Variants in RBFOX1 observed in about 807,000 individuals in gnomAD.
RBFOX1 encodes the protein RNA binding fox-1 homolog 1, also known as RNA binding protein fox-1 homolog 1.
In RBFOX1, 8 loss-of-function variants were observed where a neutral mutation model predicts 57.7. That is an observed-to-expected ratio of 0.14 (90% CI 0.08 to 0.25). The LOEUF is 0.25. Ranked by LOEUF, RBFOX1 falls within the 10% of genes least tolerant of loss-of-function variation. The pLI is 1.00. For synonymous variants in RBFOX1, 326 were observed against 222.4 expected, an observed-to-expected ratio of 1.47 and a Z score of -4.15; for missense variants, 611 against 548.5, an observed-to-expected ratio of 1.11 and a Z score of -1.14.
At chr16:5,714,052 T>C (rs2051595253) in intron 3 of RBFOX1, among the ~76,000 whole-genome samples, 1 of 152,214 alleles carries the variant, frequency 6.6e-6, no homozygotes, top group Admixed American at 6.5e-5. Context: ...AATATGAGCC[T>C]ATGCACTCCA....
intron 3 of RBFOX1, among the ~76,000 whole-genome samples, chr16:6,921,586 A>C (rs181612166): frequency 9.4e-4 from 142 of 151,856 alleles, no homozygotes; most frequent in African/African-American, 3.3e-3. Flanking sequence ...TTCTTCAAGC[A>C]GTGGAGAAAG....
intron 3 of RBFOX1, among the ~76,000 whole-genome samples, chr16:6,813,634 G>T (rs1463484193): frequency 6.6e-6 from 1 of 152,150 alleles, no homozygotes; most frequent in Admixed American, 6.5e-5. Context: ...GAAGAACTGA[G>T]TAGGGGGTGG....
chr16:6,152,340 C>G (rs901872455), intron 1 of RBFOX1, among the ~76,000 whole-genome samples: 2 of 152,150 alleles, frequency 1.3e-5, no homozygotes, highest in Admixed American at 6.5e-5. Context: ...TTCTCTCTCT[C>G]TCTCTTTTTA....
Position 7,032,270 on chromosome 16 carries a change from C to A in RBFOX1, c.-15-19787C>A, listed in dbSNP as rs780131660. ...TGAAACCCCATCTCTACTAAAAAAACAAAAACAAAAACAAAACAAAAAAAT... is the reference window on the plus strand; with the variant it reads ...TGAAACCCCATCTCTACTAAAAAAAAAAAAACAAAAACAAAACAAAAAAAT... On this transcript the variant is annotated intron_variant, in intron 3 of 15. Transcript: ENST00000550418. Among the ~76,000 whole-genome samples, 2 of 151,704 alleles carry A rather than the reference C, an allele frequency of 1.3e-5. 1 individual carries two copies. The highest frequency in any genetic ancestry group is 4.2e-4 in the South Asian group (2 of 4,794).
At chr16:7,567,103 A>G (rs1019223763) in intron 5 of RBFOX1, among the ~76,000 whole-genome samples, 2 of 132,286 alleles carry the variant, frequency 1.5e-5, no homozygotes, top group Admixed American at 8.4e-5. Flanking sequence ...CTCCCTATAT[A>G]TGTATATCCA....
At chr16:6,932,125 G>C (rs2076660687) in intron 3 of RBFOX1, among the ~76,000 whole-genome samples, 1 of 152,006 alleles carries the variant, frequency 6.6e-6, no homozygotes, top group Non-Finnish European at 1.5e-5. Flanking sequence ...TGTTTTTTCA[G>C]ATGGCATCCC....
At chr16:6,470,818 C>T (rs575590719) in intron 2 of RBFOX1, among the ~76,000 whole-genome samples, 39 of 152,130 alleles carry the variant, frequency 2.6e-4, no homozygotes, top group African/African-American at 9.4e-4. Context: ...TCCAGTTATA[C>T]ATGTCTTCTA....
At chr16:5,792,258 G>T (rs570517565) in intron 3 of RBFOX1, among the ~76,000 whole-genome samples, 1 of 152,142 alleles carries the variant, frequency 6.6e-6, no homozygotes, top group Non-Finnish European at 1.5e-5. Flanking sequence ...TGTTATTCCT[G>T]TTCCAGCCCT....
At chr16:7,276,232 T>C (rs2095437476) in intron 4 of RBFOX1, among the ~76,000 whole-genome samples, 1 of 152,188 alleles carries the variant, frequency 6.6e-6, no homozygotes, top group Non-Finnish European at 1.5e-5. Context: ...GAGCTATTTC[T>C]GGCTGCAGAC....
chr16:6,133,364 T>G (rs893750308), intron 1 of RBFOX1, among the ~76,000 whole-genome samples: 10 of 152,214 alleles, frequency 6.6e-5, no homozygotes, highest in African/African-American at 2.4e-4. Context: ...TCATTTTTAG[T>G]GCCTATCAGG....
chr16:7,466,892 T>G (rs944479125), intron 4 of RBFOX1, among the ~76,000 whole-genome samples: 3 of 152,164 alleles, frequency 2.0e-5, no homozygotes, highest in Non-Finnish European at 2.9e-5. Flanking sequence ...TGACCAGGAA[T>G]GGTCTCTATG....
At chr16:6,705,638 T>C (rs1434683423) in intron 3 of RBFOX1, 1 of 152,110 alleles carries the variant, frequency 6.6e-6, no homozygotes, top group Non-Finnish European at 1.5e-5. Context: ...ATAGCAAATA[T>C]TTTACAGTGC....
chr16:5,999,519 A>G (rs1029152658), intron 4 of RBFOX1, among the ~76,000 whole-genome samples: 2 of 152,200 alleles, frequency 1.3e-5, no homozygotes, highest in Non-Finnish European at 2.9e-5. Flanking sequence ...CTTTATAAAG[A>G]GGTGTAACGC....
chr16:7,653,739 CG>C, intron 11 of RBFOX1, 75 bp from the exon 12 acceptor site: 1 of 1,588,320 alleles, frequency 6.3e-7, no homozygotes, highest in Non-Finnish European at 8.5e-7. Flanking sequence ...CAAGGGTTCC[CG>C]GGGCAGTTCC....
chr16:7,100,562 G>GTT (rs1454100595), intron 4 of RBFOX1, among the ~76,000 whole-genome samples: 39 of 108,756 alleles, frequency 3.6e-4, no homozygotes, highest in African/African-American at 7.2e-4. Flanking sequence ...GTTTTTAAAG[G>GTT]TTGTTTTTTT....
chr16:6,982,059 T>G (rs1396023484), intron 3 of RBFOX1, among the ~76,000 whole-genome samples: 2 of 152,202 alleles, frequency 1.3e-5, no homozygotes, highest in African/African-American at 4.8e-5. Flanking sequence ...TTCGTAGTTT[T>G]TCATGATATA....
intron 4 of RBFOX1, among the ~76,000 whole-genome samples, chr16:7,297,257 C>G (rs2095914009): frequency 6.6e-6 from 1 of 152,158 alleles, no homozygotes. Flanking sequence ...GATGTAAAGA[C>G]AAACTACCCC....
intron 2 of RBFOX1, among the ~76,000 whole-genome samples, chr16:6,398,938 C>T (rs553770014): frequency 1.1e-4 from 16 of 152,366 alleles, no homozygotes; most frequent in Admixed American, 9.8e-4. Flanking sequence ...AGCAGAGGTT[C>T]TCCATGAGGA....
chr16:6,184,802 C>T (rs965263996), intron 1 of RBFOX1, among the ~76,000 whole-genome samples: 72 of 151,950 alleles, frequency 4.7e-4, no homozygotes, highest in African/African-American at 1.6e-3. Context: ...CTCTTGACCT[C>T]GTGATCCACC....
Sources: allele counts gnomAD v4.1 joint callset (sites outside exome capture counted in the v4.1 genomes callset), GRCh38; gene constraint gnomAD v4.1.1; transcripts MANE v1.5; gene names NCBI Gene and HGNC (gene_info 2026-07-23, HGNC 2026-07-21).